The following SPOCK1 variants were observed in gnomAD, a reference collection of about 807,000 sequenced individuals.
SPOCK1 encodes the protein SPARC (osteonectin), cwcv and kazal like domains proteoglycan 1.
A neutral mutation model predicts 55.3 loss-of-function variants in SPOCK1; 23 were observed. That is an observed-to-expected ratio of 0.42 (90% CI 0.30 to 0.59). SPOCK1 has a LOEUF of 0.59. Ranked by LOEUF, SPOCK1 falls within the 20% of genes least tolerant of loss-of-function variation. The pLI, the probability that SPOCK1 is intolerant of heterozygous loss-of-function variation, is 0.22. For synonymous variants in SPOCK1, 226 were observed against 221.0 expected (o/e 1.02, Z -0.20); for missense variants, 499 against 552.5 (o/e 0.90, Z 0.97).
chr5:137,264,331 C>T (rs1364085078), intron 3 of SPOCK1, among the ~76,000 whole-genome samples: 4 of 152,206 alleles, frequency 2.6e-5, no homozygotes, highest in African/African-American at 7.2e-5. Context: ...TATGGCACCC[C>T]ACTGCCAAGA....
intron 2 of SPOCK1, among the ~76,000 whole-genome samples, chr5:137,285,432 T>A (rs553767598): frequency 6.6e-6 from 1 of 152,334 alleles, no homozygotes; most frequent in African/African-American, 2.4e-5. Context: ...CACTGTAATG[T>A]GAACAAGTCC....
At chr5:137,474,322 T>C (rs1005776868) in intron 2 of SPOCK1, among the ~76,000 whole-genome samples, 1 of 152,212 alleles carries the variant, frequency 6.6e-6, no homozygotes, top group Non-Finnish European at 1.5e-5. Flanking sequence ...CACCGTAGAA[T>C]ACAATAAATA....
At chr5:137,384,229 C>T (rs1253337347) in intron 2 of SPOCK1, among the ~76,000 whole-genome samples, 1 of 152,224 alleles carries the variant, frequency 6.6e-6, no homozygotes, top group Non-Finnish European at 1.5e-5. Flanking sequence ...GGAACAAGGC[C>T]TCTGAGGAAT....
At chr5:137,119,764 TAAC>T (rs1753653063) in intron 4 of SPOCK1, among the ~76,000 whole-genome samples, 1 of 152,196 alleles carries the variant, frequency 6.6e-6, no homozygotes, top group African/African-American at 2.4e-5. Context: ...ATAATAACAA[TAAC>T]AGCAGCTAAA....
intron 2 of SPOCK1, among the ~76,000 whole-genome samples, chr5:137,414,156 T>C (rs1752279936): frequency 6.6e-6 from 1 of 152,208 alleles, no homozygotes; most frequent in African/African-American, 2.4e-5. Context: ...ATATAATTCT[T>C]AGGGATCAGA....
chr5:137,245,742 G>A (rs1756380345), intron 3 of SPOCK1, among the ~76,000 whole-genome samples: 1 of 146,150 alleles, frequency 6.8e-6, no homozygotes, highest in Admixed American at 7.1e-5. Context: ...TTTTCTCACA[G>A]CTGCATTTGT....
intron 3 of SPOCK1, among the ~76,000 whole-genome samples, chr5:137,263,389 T>G (rs1756789402): frequency 6.6e-6 from 1 of 152,168 alleles, no homozygotes; most frequent in African/African-American, 2.4e-5. Context: ...TAACCTCATA[T>G]GCGCTCCTGA....
chr5:137,111,450 TA>T (rs2127031803), intron 5 of SPOCK1, among the ~76,000 whole-genome samples: 1 of 152,260 alleles, frequency 6.6e-6, no homozygotes, highest in African/African-American at 2.4e-5. Context: ...CACCATGTCT[TA>T]CAGAAAACCC....
intron 3 of SPOCK1, among the ~76,000 whole-genome samples, chr5:137,163,178 TCAA>T (rs895988434): frequency 2.0e-5 from 3 of 152,218 alleles, no homozygotes; most frequent in African/African-American, 7.2e-5. Context: ...GTAAATTTAT[TCAA>T]CAACAAATAT....
chr5:137,459,451 C>CT (rs10642886), intron 2 of SPOCK1, among the ~76,000 whole-genome samples: 58,700 of 145,480 alleles, frequency 0.4, 12,135 homozygotes, highest in Admixed American at 0.49. Flanking sequence ...TAATGAAAGG[C>CT]TTTTTTTTTT....
intron 3 of SPOCK1, among the ~76,000 whole-genome samples, chr5:137,252,637 T>C (rs901928466): frequency 5.9e-5 from 9 of 152,218 alleles, no homozygotes; most frequent in Non-Finnish European, 1.3e-4. Flanking sequence ...ACTAGGCACA[T>C]AGTTTCCAAA....
At chr5:137,122,449 A>T (rs1285965789) in intron 4 of SPOCK1, among the ~76,000 whole-genome samples, 1 of 152,142 alleles carries the variant, frequency 6.6e-6, no homozygotes, top group Admixed American at 6.5e-5. Flanking sequence ...TTTCTTACTA[A>T]CAAGGGTCAG....
intron 5 of SPOCK1, among the ~76,000 whole-genome samples, chr5:137,076,544 A>G (rs576623984): frequency 6.6e-6 from 1 of 152,064 alleles, no homozygotes; most frequent in South Asian, 2.1e-4. Flanking sequence ...TATCTAAGAT[A>G]AAGCCTATTT....
intron 2 of SPOCK1, among the ~76,000 whole-genome samples, chr5:137,484,158 T>C (rs547405841): frequency 7.9e-5 from 12 of 152,332 alleles, no homozygotes; most frequent in African/African-American, 2.9e-4. Context: ...ATCTATACAT[T>C]GCACCAGGAG....
intron 3 of SPOCK1, among the ~76,000 whole-genome samples, chr5:137,160,623 TTTATATA>T (rs1754529693): frequency 1.0e-4 from 8 of 79,396 alleles, no homozygotes; most frequent in Admixed American, 6.1e-4. Context: ...TAATATATAT[TTTATATA>T]ATATATAATA....
At chr5:137,468,393 G>A (rs990881821) in intron 2 of SPOCK1, among the ~76,000 whole-genome samples, 2 of 152,158 alleles carry the variant, frequency 1.3e-5, no homozygotes, top group Admixed American at 1.3e-4. Context: ...TCTGCCCAGC[G>A]CTTTCTCCTG....
At chr5:137,401,778 G>T (rs1751987330) in intron 2 of SPOCK1, among the ~76,000 whole-genome samples, 1 of 151,802 alleles carries the variant, frequency 6.6e-6, no homozygotes, top group Admixed American at 6.6e-5. Flanking sequence ...GGTCAAAGAG[G>T]TTATATAATT....
At chr5:137,405,307 C>T in intron 2 of SPOCK1, among the ~76,000 whole-genome samples, 1 of 152,178 alleles carries the variant, frequency 6.6e-6, no homozygotes, top group East Asian at 1.9e-4. Flanking sequence ...TTACTGACAG[C>T]TCACATAATG....
At position 137,389,194 on chromosome 5, in the gene SPOCK1, G is replaced by T. The variant is rs116597038; in HGVS notation, c.186+109179C>A. Among the ~76,000 whole-genome samples the T allele has an allele frequency of 4.6e-3, 698 of 152,260 alleles. 5 individuals carry two copies. Among genetic ancestry groups the T allele is most frequent in the African/African-American group, 0.016 (645 of 41,546 alleles). On this transcript the variant is annotated intron_variant, in intron 2 of 10. Coordinates refer to ENST00000394945, the MANE Select transcript of SPOCK1 (RefSeq NM_004598.4). The stretch of plus-strand genomic sequence containing the variant: ...CAGAAGCATCTCCAATTCCTCACAA[G>T]CTCTGGTGTTGCACAAGACTACCAG...
Sources: gnomAD v4.1 joint callset for allele counts (sites outside exome capture counted in the v4.1 genomes callset) on GRCh38, gnomAD v4.1.1 for gene constraint, MANE v1.5 for transcripts, NCBI Gene and HGNC (gene_info 2026-07-23, HGNC 2026-07-21) for gene names.